Variants in PPP2R2B observed in about 807,000 individuals in gnomAD.
The protein encoded by PPP2R2B is serine/threonine-protein phosphatase 2A 55 kDa regulatory subunit B beta isoform.
Under a neutral mutation model 46.0 loss-of-function variants are expected in PPP2R2B, and 5 were observed. That is an observed-to-expected ratio of 0.11 (90% CI 0.06 to 0.23). The LOEUF (loss-of-function observed/expected upper bound fraction) is 0.23, where lower values mean the gene tolerates loss of function less well. PPP2R2B is among the 10% of genes least tolerant of loss of function. The probability of loss-of-function intolerance (pLI) is 1.00; values close to 1 mark genes in which losing one functional copy is unlikely to be tolerated. For missense variants in PPP2R2B, 367 were observed against 575.0 expected, an observed-to-expected ratio of 0.64 and a Z score of 3.70; for synonymous variants, 215 against 206.7, an observed-to-expected ratio of 1.04 and a Z score of -0.34.
Position 146,878,345 on chromosome 5 carries a change from C to A in PPP2R2B, c.-124-150G>T. 7.0e-7 allele frequency: 1 copy of A among 1,436,456 alleles called. No individual in the cohort carries two copies. The highest frequency in any genetic ancestry group is 9.1e-7 in the Non-Finnish European group (1 of 1,101,914). 89.0% of individuals were successfully genotyped at this position (1,436,456 alleles called of 1,614,324 possible). A position where few individuals can be genotyped will look rare whatever the true frequency, so the allele number is the denominator to read the frequency against. On this transcript the variant is annotated intron_variant, in intron 1 of 9. Transcript: ENST00000394411. This position sits in a 1 kb window ranked among gnomAD's most constrained non-coding sequence, Gnocchi z 4.5. ...CCAGTTCCCAGCGAGGATGCTGCGC[C>A]TGCCTCCGCTGCCTCCGGGTGCCAA... is the stretch of plus-strand genomic sequence containing the variant.
At chr5:147,055,621 C>T (rs1465012751) in intron 1 of PPP2R2B, 2 of 1,545,312 alleles carry the variant, frequency 1.3e-6, no homozygotes, top group African/African-American at 1.4e-5. Context: ...GACACCAGCC[C>T]ACTTTTCCCA....
intron 2 of PPP2R2B, among the ~76,000 whole-genome samples, chr5:146,832,183 T>C (rs1758981604): frequency 6.6e-6 from 1 of 152,126 alleles, no homozygotes; most frequent in South Asian, 2.1e-4. Flanking sequence ...TCAGCTAAGC[T>C]TAACTTATTA....
chr5:146,802,120 G>A (rs985469910), intron 2 of PPP2R2B, among the ~76,000 whole-genome samples: 9 of 152,176 alleles, frequency 5.9e-5, no homozygotes, highest in African/African-American at 2.2e-4. Context: ...GGTTCTTGGA[G>A]CTTAAGGAGT....
intron 1 of PPP2R2B, among the ~76,000 whole-genome samples, chr5:146,993,754 C>T (rs1037972763): frequency 6.6e-6 from 1 of 152,142 alleles, no homozygotes; most frequent in South Asian, 2.1e-4. Flanking sequence ...TTGCTATCAT[C>T]ATCATAACTG....
At chr5:146,893,232 A>G (rs141768658) in intron 1 of PPP2R2B, among the ~76,000 whole-genome samples, 1 of 152,318 alleles carries the variant, frequency 6.6e-6, no homozygotes, top group Admixed American at 6.5e-5. Flanking sequence ...CCTCTAAAGA[A>G]CTTCATATAC....
At chr5:146,753,170 T>C (rs1753653204) in intron 2 of PPP2R2B, among the ~76,000 whole-genome samples, 1 of 152,198 alleles carries the variant, frequency 6.6e-6, no homozygotes, top group South Asian at 2.1e-4. Context: ...TTTGTATTTA[T>C]CATGACACAT....
chr5:146,822,005 A>C (rs773433540), intron 2 of PPP2R2B, among the ~76,000 whole-genome samples: 2 of 152,228 alleles, frequency 1.3e-5, no homozygotes, highest in African/African-American at 2.4e-5. Context: ...GTAAGACTAG[A>C]ACTCAGCCTT....
intron 2 of PPP2R2B, among the ~76,000 whole-genome samples, chr5:146,712,974 A>G (rs563774045): frequency 6.6e-6 from 1 of 152,358 alleles, no homozygotes; most frequent in Non-Finnish European, 1.5e-5. Flanking sequence ...AATAGATAAG[A>G]TATCTGTCCT....
chr5:146,906,592 G>T (rs950820147), intron 1 of PPP2R2B, among the ~76,000 whole-genome samples: 6 of 152,220 alleles, frequency 3.9e-5, no homozygotes, highest in African/African-American at 1.4e-4. Flanking sequence ...AAAGTGCTGG[G>T]ATTACAGGCG....
At chr5:146,892,930 G>A (rs1762534545) in intron 1 of PPP2R2B, among the ~76,000 whole-genome samples, 1 of 152,160 alleles carries the variant, frequency 6.6e-6, no homozygotes, top group African/African-American at 2.4e-5. Flanking sequence ...CAGGCATTCT[G>A]CTTGTTTTAT....
At chr5:146,895,248 A>G (rs1762608940) in intron 1 of PPP2R2B, among the ~76,000 whole-genome samples, 1 of 152,126 alleles carries the variant, frequency 6.6e-6, no homozygotes, top group Non-Finnish European at 1.5e-5. Flanking sequence ...CACATTTCAG[A>G]TTAGTCATCT....
intron 1 of PPP2R2B, among the ~76,000 whole-genome samples, chr5:147,050,783 T>C (rs1347386952): frequency 6.6e-6 from 1 of 152,124 alleles, no homozygotes; most frequent in Non-Finnish European, 1.5e-5. Context: ...TATTATTATT[T>C]ATAATATAAC....
At chr5:146,724,538 C>T (rs1047068771) in intron 2 of PPP2R2B, among the ~76,000 whole-genome samples, 2 of 151,992 alleles carry the variant, frequency 1.3e-5, no homozygotes, top group East Asian at 3.9e-4. Context: ...TATATAGTTG[C>T]AGTGAGAAAA....
chr5:146,620,693 T>C (rs78095545), intron 7 of PPP2R2B, among the ~76,000 whole-genome samples: 3 of 152,094 alleles, frequency 2.0e-5, no homozygotes, highest in Non-Finnish European at 4.4e-5. Flanking sequence ...ACTCCACACA[T>C]CACAGGCTAG....
At chr5:147,068,299 C>A (rs1757472587) in intron 2 of PPP2R2B, among the ~76,000 whole-genome samples, 2 of 152,162 alleles carry the variant, frequency 1.3e-5, no homozygotes, top group Non-Finnish European at 2.9e-5. Flanking sequence ...TAAAGTGAAG[C>A]TAAATCAAAT....
At chr5:146,925,760 T>C (rs1763762333) in intron 1 of PPP2R2B, among the ~76,000 whole-genome samples, 1 of 152,172 alleles carries the variant, frequency 6.6e-6, no homozygotes, top group Non-Finnish European at 1.5e-5. Flanking sequence ...CCTTCCGACA[T>C]TCCCCTGACA....
intron 1 of PPP2R2B, among the ~76,000 whole-genome samples, chr5:146,953,729 T>C (rs1395411535): frequency 6.6e-6 from 1 of 152,218 alleles, no homozygotes; most frequent in Non-Finnish European, 1.5e-5. Flanking sequence ...CCATTAATTT[T>C]ATAACAATCC....
At chr5:147,060,220 C>T (rs1249661148), upstream of PPP2R2B, among the ~76,000 whole-genome samples, 1 of 152,164 alleles carries the variant, frequency 6.6e-6, no homozygotes, top group African/African-American at 2.4e-5. Context: ...CTCCCACATA[C>T]CATGTTCCTC....
At chr5:146,792,404 C>T (rs887746894) in intron 2 of PPP2R2B, among the ~76,000 whole-genome samples, 5 of 152,130 alleles carry the variant, frequency 3.3e-5, no homozygotes, top group African/African-American at 1.2e-4. Flanking sequence ...TGTAGTTGAC[C>T]ACCACTTACT....
Sources: gnomAD v4.1 joint callset for allele counts (sites outside exome capture counted in the v4.1 genomes callset) on GRCh38, gnomAD v4.1.1 for gene constraint, Gnocchi (gnomAD v3.1) non-coding constraint, MANE v1.5 for transcripts, NCBI Gene and HGNC (gene_info 2026-07-23, HGNC 2026-07-21) for gene names.